Variants in HLX observed in about 807,000 individuals in gnomAD.
The protein encoded by HLX is H2.0-like homeobox protein.
A neutral mutation model predicts 27.7 loss-of-function variants in HLX; 6 were observed. The ratio of observed to expected loss-of-function variants is 0.22; its 90% confidence interval spans 0.12 to 0.43. The LOEUF (loss-of-function observed/expected upper bound fraction) is 0.43, where lower values mean the gene tolerates loss of function less well. Among genes scored for constraint, HLX ranks in the 20% least tolerant of loss-of-function variants. HLX has a pLI of 1.00. For missense variants in HLX, 666 were observed against 655.2 expected (o/e 1.02, Z -0.18); for synonymous variants, 328 against 293.8 (o/e 1.12, Z -1.19).
At position 220,884,515 on chromosome 1, in the gene HLX, C is replaced by T. The variant is rs142918916; in HGVS notation, c.1278C>T (p.Ser426=). The change falls in exon 4 of 4, where the codon AGC becomes AGT. Residue 426 remains serine, a synonymous_variant. Transcript: ENST00000366903. This position sits in a 1 kb window ranked among gnomAD's most constrained non-coding sequence, Gnocchi z 4.9. ...CCAGCAGTGCTGGGAGTGGTGGGAG[C>T]AGCGGCGGCGGCGGCAATAGTTTCA... is the stretch of plus-strand genomic sequence containing the variant. The part of the protein sequence containing the change: ...ITASSAGSGG[S]SGGGGNSFSF... 1.7e-5 allele frequency: 28 copies of T among 1,612,218 alleles called. No homozygotes were observed. In the African/African-American group the frequency reaches 3.5e-4, roughly 20 times the overall value.
In HLX at chr1:220,880,141, C is replaced by A; in HGVS notation, c.284C>A (p.Pro95His). Reference protein sequence around the residue: ...FQAAARSPLRPTPVVAPSEVP... With the variant: ...FQAAARSPLRHTPVVAPSEVP... ...GCGGCGGCCAGATCCCCGCTTCGACCCACCCCAGTGGTGGCGCCCTCCGAA... is the reference window on the plus strand; with the variant it reads ...GCGGCGGCCAGATCCCCGCTTCGACACACCCCAGTGGTGGCGCCCTCCGAA... Residue 95 changes from proline to histidine, a missense_variant, in exon 1 of 4, where the codon CCC becomes CAC. Transcript: ENST00000366903. 3.7e-6 allele frequency: 6 copies of A among 1,609,782 alleles called. No individual in the cohort carries two copies. The highest frequency in any genetic ancestry group is 5.1e-6 in the Non-Finnish European group (6 of 1,177,986).
At position 220,879,950 on chromosome 1, in the gene HLX, C is replaced by T. The variant is rs1674385924; in HGVS notation, c.93C>T (p.Ser31=). 2 of 1,598,824 alleles carry T rather than the reference C, an allele frequency of 1.3e-6. No individual in the cohort carries two copies. The highest frequency in any genetic ancestry group is 1.7e-6 in the Non-Finnish European group (2 of 1,178,868). ...CCTCGGCCGGCCCAGGCGGCTGCTC[C>T]TTCCCCTTGGACCCCGCCGCCGTCA... ...YCSSAGPGGC[S]FPLDPAAVKK... Residue 31 remains serine, a synonymous_variant, in exon 1 of 4, where the codon TCC becomes TCT. Transcript: ENST00000366903.
At chr1:220,881,443 C>A in intron 2 of HLX, 70 bp downstream of exon 2, 1 of 1,291,004 alleles carries the variant, frequency 7.7e-7, no homozygotes, top group Non-Finnish European at 1.1e-6. Flanking sequence ...AGGACTGACG[C>A]CTCCAGGGCT....
chr1:220,884,720 A>T lies in HLX; in HGVS notation c.*16A>T. ...CTGCTTATAGACTGTACTAGGGCGG[A>T]GGGGATCCGGGCCTTGCGTGCAGCC... On this transcript the variant is annotated 3_prime_UTR_variant, in exon 4 of 4. Transcript: ENST00000366903. The surrounding 1 kb of genome is among the most constrained non-coding windows in gnomAD (Gnocchi z 4.9). 1 of 1,604,840 alleles carries T rather than the reference A, an allele frequency of 6.2e-7. No individual in the cohort carries two copies.
rs747089702 is a variant in HLX, at chr1:220,884,686, C to A, written c.1449C>A (p.Gly483=). The change falls in exon 4 of 4, where the codon GGC becomes GGA. Residue 483 remains glycine, a synonymous_variant. Transcript: ENST00000366903. The surrounding 1 kb of genome is among the most constrained non-coding windows in gnomAD (Gnocchi z 4.9). ...SAPKSPEPAQ[G]ALGCL ...CCAAAAGCCCCGAGCCAGCCCAAGG[C>A]GCGCTTGGCTGCTTATAGACTGTAC... 2.2e-5 allele frequency: 36 copies of A among 1,610,326 alleles called. No homozygotes were observed. The East Asian group carries it at 7.4e-4, about 33-fold the overall frequency.
intron 2 of HLX, chr1:220,881,621 G>C: frequency 1.7e-6 from 1 of 576,144 alleles, no homozygotes; most frequent in South Asian, 2.0e-5. Context: ...GGGGTGGGGG[G>C]CTTTCTCGAA....
Position 220,880,208 on chromosome 1 carries a change from C to A in HLX, c.351C>A (p.Ala117=). 6.2e-7 allele frequency: 1 copy of A among 1,612,426 alleles called. No individual in the cohort carries two copies. The highest frequency in any genetic ancestry group is 8.5e-7 in the Non-Finnish European group (1 of 1,178,916). The stretch of plus-strand genomic sequence containing the variant: ...CGCAGCGGCTGTCTCCGCTCTCAGC[C>A]GCCTACCACCACCATCACCCGCAAC... ...GFPQRLSPLS[A]AYHHHHPQQQ... Residue 117 remains alanine (A), a synonymous_variant, in exon 1 of 4, where the codon GCC becomes GCA. Coordinates refer to ENST00000366903, the MANE Select transcript of HLX (RefSeq NM_021958.4).
chr1:220,880,232 ACAACAACAGCAGCAG>A lies in HLX; in HGVS notation c.381_395del (p.Gln128_Gln132del), dbSNP rs774423565. The A allele has an allele frequency of 1.9e-5, 30 of 1,610,138 alleles. No homozygotes were observed. The highest frequency in any genetic ancestry group is 2.5e-6 in the Non-Finnish European group (3 of 1,178,496). On this transcript the variant is annotated inframe_deletion, in exon 1 of 4. Transcript: ENST00000366903. ...CCGCCTACCACCACCATCACCCGCA[ACAACAACAGCAGCAG>A]CAACAGCCGCAGCAGCAACAGCCTC...
intron 1 of HLX, chr1:220,880,741 A>C: frequency 1.9e-6 from 1 of 524,648 alleles, no homozygotes; most frequent in Non-Finnish European, 3.4e-6. Context: ...CTCTTTAATA[A>C]TGTATCTAGA....
chr1:220,882,387 CGGGCAGCAGCGCACGGCCTAGTCT>C, intron 3 of HLX, 39 bp downstream of exon 3: 4 of 1,596,484 alleles, frequency 2.5e-6, no homozygotes, highest in Non-Finnish European at 3.4e-6. Flanking sequence ...CGCCCTCGGG[CGGGCAGCAGCGCACGGCCTAGTCT>C]GGTAGGTCCC....
intron 3 of HLX, chr1:220,883,847 TA>T (rs1196355825): frequency 5.6e-5 from 17 of 304,568 alleles, no homozygotes; most frequent in Admixed American, 2.8e-4. Flanking sequence ...GGTCCTGGCA[TA>T]AAAAAATTAC....
intron 1 of HLX, chr1:220,880,985 T>C: frequency 1.6e-6 from 1 of 607,066 alleles, no homozygotes; most frequent in Non-Finnish European, 3.0e-6. Context: ...ACTATATACA[T>C]GCATATGGAC....
In HLX at chr1:220,880,032, G is replaced by A. The variant is rs766996300; in HGVS notation, c.175G>A (p.Ala59Thr). 7.5e-6 allele frequency: 12 copies of A among 1,593,674 alleles called. No individual in the cohort carries two copies. Among genetic ancestry groups the A allele is most frequent in the Non-Finnish European group, 1.0e-5 (12 of 1,176,160 alleles). ...GCACGCCGGCGTGGGGGATCTGGGGGCGGCCCCGGAGGGCCTGGCAGGGGC... is the reference window on the plus strand; with the variant it reads ...GCACGCCGGCGTGGGGGATCTGGGGACGGCCCCGGAGGGCCTGGCAGGGGC... ...ILHAGVGDLG[A>T]APEGLAGASA... The change falls in exon 1 of 4, where the codon GCG becomes ACG. Residue 59 changes from alanine to threonine, a missense_variant. By Grantham distance (58) the Ala-to-Thr change is moderately conservative (BLOSUM62 0). Coordinates refer to ENST00000366903, the MANE Select transcript of HLX (RefSeq NM_021958.4).
Position 220,881,228 on chromosome 1 carries a change from C to G in HLX, c.627C>G (p.Ala209=). The change falls in exon 2 of 4, where the codon GCC becomes GCG. Residue 209 remains alanine, a synonymous_variant. Coordinates refer to ENST00000366903, the MANE Select transcript of HLX (RefSeq NM_021958.4). The stretch of plus-strand genomic sequence containing the variant: ...CCCTGCTAACCGGTGGGCGGCCCGC[C>G]GGGGTGCACCTCTCAGGCCTGCAGC... ...LTSLLTGGRP[A]GVHLSGLQPS... 1 of 1,614,134 alleles carries G rather than the reference C, an allele frequency of 6.2e-7. No individual in the cohort carries two copies. Among genetic ancestry groups the G allele is most frequent in the Non-Finnish European group, 8.5e-7 (1 of 1,179,954 alleles).
rs528225208 is a variant in HLX at position 220,879,852 on chromosome 1, G to C, written c.-6G>C. The C allele has an allele frequency of 1.0e-5, 16 of 1,570,202 alleles. No homozygotes were observed. The highest frequency in any genetic ancestry group is 1.3e-5 in the Non-Finnish European group (15 of 1,165,858). The stretch of plus-strand genomic sequence containing the variant: ...CTGCGGCAGCCGCGCGGCTCACCCC[G>C]GCAGGATGTTCGCAGCCGGGCTGGC... On this transcript the variant is annotated 5_prime_UTR_variant, in exon 1 of 4. Coordinates refer to ENST00000366903, the MANE Select transcript of HLX (RefSeq NM_021958.4).
chr1:220,881,632 G>A (rs1263729218), intron 2 of HLX: 6 of 563,292 alleles, frequency 1.1e-5, no homozygotes, highest in Non-Finnish European at 1.9e-5. Flanking sequence ...CTTTCTCGAA[G>A]TCTTTTCGCC....
rs1176246083 is a variant in HLX at position 220,881,254 on chromosome 1, C to T, written c.653C>T (p.Pro218Leu). 4 of 1,614,162 alleles carry T rather than the reference C, an allele frequency of 2.5e-6. No homozygotes were observed. In the South Asian group the frequency reaches 4.4e-5, roughly 18 times the overall value. Residue 218 changes from proline (P) to leucine (L), a missense_variant, in exon 2 of 4, where the codon CCC becomes CTC. Coordinates refer to ENST00000366903, the MANE Select transcript of HLX (RefSeq NM_021958.4). Reference protein sequence around the residue: ...PAGVHLSGLQPSAGQFFASLD... With the variant: ...PAGVHLSGLQLSAGQFFASLD... ...GGGGTGCACCTCTCAGGCCTGCAGC[C>T]CTCGGCCGGCCAGTTCTTCGCATCT...
In HLX at chr1:220,884,160, T is replaced by C. The variant is rs767026688; in HGVS notation, c.958-35T>C. On this transcript the variant is annotated intron_variant, in intron 3 of 3. Coordinates refer to ENST00000366903, the MANE Select transcript of HLX (RefSeq NM_021958.4). This position sits in a 1 kb window ranked among gnomAD's most constrained non-coding sequence, Gnocchi z 4.9. Reference sequence around the variant, plus strand: ...GGAGCAAACCTGGGTCTCATCTCGGTGTCTCTTCTTGTCTCCCGGTGTGGC... The same window carrying C: ...GGAGCAAACCTGGGTCTCATCTCGGCGTCTCTTCTTGTCTCCCGGTGTGGC... 1 of 1,611,038 alleles carries C rather than the reference T, an allele frequency of 6.2e-7. No homozygotes were observed. Among genetic ancestry groups the C allele is most frequent in the Admixed American group, 1.7e-5 (1 of 60,002 alleles).
At position 220,879,780 on chromosome 1, in the gene HLX, G is replaced by C. The variant is rs988824703; in HGVS notation, c.-78G>C. 2 of 1,465,696 alleles carry C rather than the reference G, an allele frequency of 1.4e-6. No homozygotes were observed. The highest frequency in any genetic ancestry group is 1.8e-6 in the Non-Finnish European group (2 of 1,116,472). 90.8% of individuals were successfully genotyped at this position (1,465,696 alleles called of 1,614,324 possible). A position where few individuals can be genotyped will look rare whatever the true frequency, so the allele number is the denominator to read the frequency against. On this transcript the variant is annotated 5_prime_UTR_variant, in exon 1 of 4. Transcript: ENST00000366903. ...CCTCGGCTGCCGCCGCCTTCTCCGG[G>C]ACTCGCGCGCCCCTCCCCGCGCGCC...
Sources: allele counts gnomAD v4.1 joint callset, GRCh38; gene constraint gnomAD v4.1.1; non-coding constraint Gnocchi (gnomAD v3.1); transcripts MANE v1.5; gene names NCBI Gene and HGNC (gene_info 2026-07-23, HGNC 2026-07-21).